ACSM2B: variants seen among roughly 807,000 people sequenced by gnomAD.
ACSM2B encodes the protein acyl-CoA synthetase medium chain family member 2B, also known as acyl-coenzyme A synthetase ACSM2B, mitochondrial.
A neutral mutation model predicts 78.6 loss-of-function variants in ACSM2B; 58 were observed. The observed-to-expected ratio is 0.74, with a 90% CI of 0.60 to 0.92. ACSM2B has a LOEUF of 0.92. Ranked by LOEUF, ACSM2B falls within the 40% of genes least tolerant of loss-of-function variation. The pLI, the probability that ACSM2B is intolerant of heterozygous loss-of-function variation, is 0.00. For synonymous variants in ACSM2B, 257 were observed against 256.8 expected (o/e 1.00, Z -0.01); for missense variants, 688 against 711.2 (o/e 0.97, Z 0.37).
At chr16:20,538,677 A>T (rs2014907787) in intron 13 of ACSM2B, among the ~76,000 whole-genome samples, 1 of 152,166 alleles carries the variant, frequency 6.6e-6, no homozygotes, top group South Asian at 2.1e-4. Context: ...AAGACACTGC[A>T]CACTGTGTGA....
At chr16:20,543,868 A>G (rs749570324) in intron 10 of ACSM2B, among the ~76,000 whole-genome samples, 2 of 152,194 alleles carry the variant, frequency 1.3e-5, no homozygotes, top group South Asian at 4.1e-4. Context: ...TGGATTATAT[A>G]TGGTGGCATA....
At chr16:20,562,684 C>T (rs572024157) in intron 2 of ACSM2B, among the ~76,000 whole-genome samples, 11 of 152,090 alleles carry the variant, frequency 7.2e-5, no homozygotes, top group African/African-American at 1.4e-4. Flanking sequence ...ATGGTAGGGG[C>T]CTCAATTCTG....
intron 1 of ACSM2B, among the ~76,000 whole-genome samples, chr16:20,570,079 A>G (rs1192130970): frequency 6.6e-6 from 1 of 151,894 alleles, no homozygotes; most frequent in Non-Finnish European, 1.5e-5. Flanking sequence ...TGATCTGGCT[A>G]GGACTTCCAG....
rs771105536 is a variant in ACSM2B at position 20,555,450 on chromosome 16, G to T, written c.415C>A (p.Gln139Lys). The T allele has an allele frequency of 6.2e-5, 100 of 1,613,480 alleles. No homozygotes were observed. Among genetic ancestry groups the T allele is most frequent in the Non-Finnish European group, 8.2e-5 (97 of 1,179,518 alleles). The change falls in exon 4 of 14, where the codon CAG becomes AAG. Residue 139 changes from glutamine (Q) to lysine (K), a missense_variant. Coordinates refer to ENST00000329697, the MANE Select transcript of ACSM2B (RefSeq NM_001105069.2). ...AGLIFMPGTI[Q>K]MKSTDILYRL... Reference sequence around the variant, plus strand: ...TACAGTATGTCAGTGGATTTCATCTGGATGGTTCCAGGCATAAAGATGAGA... The same window carrying T: ...TACAGTATGTCAGTGGATTTCATCTTGATGGTTCCAGGCATAAAGATGAGA...
At chr16:20,544,545 T>G in intron 10 of ACSM2B, 3 of 971,652 alleles carry the variant, frequency 3.1e-6, no homozygotes, top group Non-Finnish European at 3.7e-6. Context: ...GATTTATTAT[T>G]TATTTAGTTT....
At chr16:20,546,245 C>A in intron 9 of ACSM2B, 149 bp downstream of exon 9, 1 of 1,385,882 alleles carries the variant, frequency 7.2e-7, no homozygotes, top group Admixed American at 2.8e-5. Context: ...CTCTCTCCTT[C>A]CCCCTAACCT....
rs1042932058 is a variant in ACSM2B at position 20,536,543 on chromosome 16, A to G, written c.*715T>C. The G allele has an allele frequency of 6.6e-6, 1 of 152,118 alleles. No homozygotes were observed. Among genetic ancestry groups the G allele is most frequent in the Admixed American group, 6.6e-5 (1 of 15,262 alleles). The allele number at this position is 152,118 out of a possible 1,614,324, so 9.4% of individuals were successfully genotyped here. Reference sequence around the variant, plus strand: ...GATGATTCTAATGTCCCAGCCCCACACACAAGTCTTCCTGTATGGAGGTCT... The same window carrying G: ...GATGATTCTAATGTCCCAGCCCCACGCACAAGTCTTCCTGTATGGAGGTCT... On this transcript the variant is annotated 3_prime_UTR_variant, in exon 14 of 14. Coordinates refer to ENST00000329697, the MANE Select transcript of ACSM2B (RefSeq NM_001105069.2).
At chr16:20,567,326 A>G (rs1184384077) in intron 1 of ACSM2B, among the ~76,000 whole-genome samples, 1 of 117,270 alleles carries the variant, frequency 8.5e-6, no homozygotes, top group Non-Finnish European at 1.6e-5. Flanking sequence ...TATGTAATAT[A>G]CAGTATAATA....
At chr16:20,567,339 A>ATATATAAATATATTATATATTATATAT (rs1334446812) in intron 1 of ACSM2B, among the ~76,000 whole-genome samples, 6 of 104,222 alleles carry the variant, frequency 5.8e-5, no homozygotes, top group Non-Finnish European at 1.0e-4. Flanking sequence ...GTATAATATT[A>ATATATAAATATATTATATATTATATAT]TATATAAATA....
At chr16:20,572,685 T>C (rs1046801282) in intron 1 of ACSM2B, among the ~76,000 whole-genome samples, 3 of 151,450 alleles carry the variant, frequency 2.0e-5, no homozygotes, top group African/African-American at 4.9e-5. Flanking sequence ...AACTTTTAGA[T>C]GTCTCTTCTA....
intron 1 of ACSM2B, among the ~76,000 whole-genome samples, chr16:20,567,830 C>G (rs1353864435): frequency 7.3e-6 from 1 of 137,276 alleles, no homozygotes; most frequent in Non-Finnish European, 1.5e-5. Flanking sequence ...ATATATAAAA[C>G]TATACTATTA....
At chr16:20,538,532 T>C (rs536391111) in intron 13 of ACSM2B, among the ~76,000 whole-genome samples, 68 of 152,166 alleles carry the variant, frequency 4.5e-4, no homozygotes, top group Non-Finnish European at 7.9e-4. Flanking sequence ...AGCTACTCTG[T>C]TTGTCATGAA....
chr16:20,552,405 G>A (rs8045977), intron 5 of ACSM2B, 108 bp from the exon 6 acceptor site: 65,763 of 1,447,826 alleles, frequency 0.045, 3,891 homozygotes, highest in African/African-American at 0.29. Context: ...AGAGGTGTGC[G>A]TGTATCTGCC....
At chr16:20,551,936 C>T (rs1190133875) in intron 6 of ACSM2B, among the ~76,000 whole-genome samples, 1 of 152,136 alleles carries the variant, frequency 6.6e-6, no homozygotes, top group Non-Finnish European at 1.5e-5. Context: ...TGAACATACT[C>T]CTTTTATCTA....
intron 13 of ACSM2B, 73 bp from the exon 14 acceptor site, chr16:20,537,435 A>G (rs770915041): frequency 6.5e-7 from 1 of 1,549,288 alleles, no homozygotes; most frequent in Non-Finnish European, 8.9e-7. Context: ...GAACTGCTGT[A>G]GGGTGAGGGG....
At chr16:20,547,006 T>C (rs938755172) in intron 8 of ACSM2B, 1 of 649,154 alleles carries the variant, frequency 1.5e-6, no homozygotes, top group Non-Finnish European at 2.0e-6. Flanking sequence ...CCAGTTCTGC[T>C]TGAACCCTGA....
In ACSM2B at chr16:20,568,083, A is replaced by G. The variant is rs567235138; in HGVS notation, c.-8-3230T>C. Among the ~76,000 whole-genome samples, 4 of 142,742 alleles carry G rather than the reference A, an allele frequency of 2.8e-5. No homozygotes were observed. The East Asian group carries it at 8.1e-4, about 29-fold the overall frequency. The allele number at this position is 142,742 out of a possible 152,430, so 93.6% of individuals were successfully genotyped here. ...TCATGGTGTCTCTCTCCCATACTATACTGCCTTCACAGAAGATGATATATA... is the reference window on the plus strand; with the variant it reads ...TCATGGTGTCTCTCTCCCATACTATGCTGCCTTCACAGAAGATGATATATA... On this transcript the variant is annotated intron_variant, in intron 1 of 13. Coordinates refer to ENST00000329697, the MANE Select transcript of ACSM2B (RefSeq NM_001105069.2).
chr16:20,573,292 G>C (rs1053965678), intron 1 of ACSM2B, among the ~76,000 whole-genome samples: 1 of 150,962 alleles, frequency 6.6e-6, no homozygotes, highest in African/African-American at 2.4e-5. Context: ...CTTTTCCTAG[G>C]GATGTGGCTT....
chr16:20,539,877 A>C (rs541193593), intron 13 of ACSM2B, among the ~76,000 whole-genome samples: 3 of 152,180 alleles, frequency 2.0e-5, no homozygotes, highest in Non-Finnish European at 4.4e-5. Flanking sequence ...AAGGAAAGAG[A>C]GTCAAAGGGT....
Sources: allele counts gnomAD v4.1 joint callset (sites outside exome capture counted in the v4.1 genomes callset), GRCh38; gene constraint gnomAD v4.1.1; transcripts MANE v1.5; gene names NCBI Gene and HGNC (gene_info 2026-07-23, HGNC 2026-07-21).